Variants in GSTA5 observed in about 807,000 individuals in gnomAD.
GSTA5 encodes glutathione S-transferase A5.
A neutral mutation model predicts 21.8 loss-of-function variants in GSTA5; 25 were observed. That is an observed-to-expected ratio of 1.14 (90% CI 0.83 to 1.60). The LOEUF is 1.60. Ranked by LOEUF, GSTA5 falls within the 40% of genes most tolerant of loss-of-function variation. The pLI is 0.00. For synonymous variants in GSTA5, 102 were observed against 89.5 expected, an observed-to-expected ratio of 1.14 and a Z score of -0.78; for missense variants, 330 against 259.2, an observed-to-expected ratio of 1.27 and a Z score of -1.88.
intron 2 of GSTA5, among the ~76,000 whole-genome samples, chr6:52,837,281 A>G (rs1764306317): frequency 6.6e-6 from 1 of 152,138 alleles, no homozygotes; most frequent in Non-Finnish European, 1.5e-5. Context: ...ACCACAGCTC[A>G]CTGACGGTCC....
At chr6:52,834,637 C>T (rs1409369043) in intron 3 of GSTA5, among the ~76,000 whole-genome samples, 2 of 152,266 alleles carry the variant, frequency 1.3e-5, no homozygotes, top group Non-Finnish European at 1.5e-5. Flanking sequence ...GATTTATCAT[C>T]TCAATTGTGG....
upstream of GSTA5, among the ~76,000 whole-genome samples, chr6:52,841,701 A>G (rs1299039923): frequency 6.6e-6 from 1 of 152,218 alleles, no homozygotes; most frequent in East Asian, 1.9e-4. Context: ...CCATTCTTCT[A>G]AACTTCTCTC....
At chr6:52,835,026 T>A (rs371235006) in intron 3 of GSTA5, among the ~76,000 whole-genome samples, 76 of 152,376 alleles carry the variant, frequency 5.0e-4, no homozygotes, top group South Asian at 2.7e-3. Flanking sequence ...GTTCACGTAC[T>A]GTAATTGCAA....
At chr6:52,839,767 C>T (rs937292554) in intron 1 of GSTA5, among the ~76,000 whole-genome samples, 5 of 152,182 alleles carry the variant, frequency 3.3e-5, no homozygotes, top group African/African-American at 1.2e-4. Flanking sequence ...TAGAGGGCAG[C>T]ACTCAGCGGA....
intron 4 of GSTA5, among the ~76,000 whole-genome samples, 200 bp downstream of exon 4, chr6:52,833,941 G>A (rs1397546474): frequency 6.6e-6 from 1 of 152,144 alleles, no homozygotes; most frequent in East Asian, 1.9e-4. Context: ...AATTTTACTG[G>A]AAAATCATAG....
chr6:52,840,064 C>T (rs1338003817), intron 1 of GSTA5, among the ~76,000 whole-genome samples: 1 of 152,184 alleles, frequency 6.6e-6, no homozygotes, highest in Non-Finnish European at 1.5e-5. Flanking sequence ...CAATCCACTC[C>T]CTTACACCTC....
At chr6:52,842,030 T>G (rs868514779), upstream of GSTA5, among the ~76,000 whole-genome samples, 8 of 152,320 alleles carry the variant, frequency 5.3e-5, no homozygotes, top group South Asian at 8.3e-4. Flanking sequence ...ATTTGTATAT[T>G]GTGTGTATGG....
intron 3 of GSTA5, among the ~76,000 whole-genome samples, chr6:52,835,462 T>C (rs537551948): frequency 6.6e-6 from 1 of 152,228 alleles, no homozygotes; most frequent in Non-Finnish European, 1.5e-5. Flanking sequence ...ACTATGAATA[T>C]TGTTATTTGC....
upstream of GSTA5, among the ~76,000 whole-genome samples, chr6:52,843,955 T>C (rs775919491): frequency 2.0e-5 from 3 of 152,186 alleles, no homozygotes; most frequent in East Asian, 1.9e-4. Context: ...AGGCTAAGAC[T>C]GGGGCAGAGG....
intron 2 of GSTA5, among the ~76,000 whole-genome samples, chr6:52,836,837 T>C (rs1764301002): frequency 6.6e-6 from 1 of 152,234 alleles, no homozygotes; most frequent in African/African-American, 2.4e-5. Context: ...AAAAGTTTCC[T>C]GTAGTTCTTC....
intron 5 of GSTA5, 132 bp downstream of exon 5, chr6:52,832,727 A>G: frequency 6.9e-7 from 1 of 1,447,614 alleles, no homozygotes; most frequent in Non-Finnish European, 9.5e-7. Flanking sequence ...CTGGAAGCTC[A>G]TTTTGGAGAC....
At chr6:52,833,178 T>G (rs1266167953) in intron 4 of GSTA5, among the ~76,000 whole-genome samples, 188 bp from the exon 5 acceptor site, 2 of 152,194 alleles carry the variant, frequency 1.3e-5, no homozygotes, top group East Asian at 3.8e-4. Context: ...TGCTCACTGC[T>G]TGGTTGGAGG....
At chr6:52,831,897 G>T (rs1764220478) in exon 6 of GSTA5, 1 of 1,613,704 alleles carries the variant, frequency 6.2e-7, no homozygotes, top group African/African-American at 1.3e-5. Flanking sequence ...CTCATCCATG[G>T]GAGGCTTTCT....
chr6:52,837,548 T>C lies in GSTA5; in HGVS notation c.139+10A>G. ...AACTCTCATCAGAGTTACTTAGAGA[T>C]TGATCTTACCATTTCTTAACTTGTC... On this transcript the variant is annotated intron_variant, in intron 2 of 5. Coordinates refer to ENST00000370989, the Ensembl canonical transcript of GSTA5. The C allele has an allele frequency of 6.3e-7, 1 of 1,581,732 alleles. No homozygotes were observed. Among genetic ancestry groups the C allele is most frequent in the South Asian group, 1.1e-5 (1 of 90,246 alleles).
In GSTA5 at chr6:52,836,383, A is replaced by G; in HGVS notation, c.140-15T>C. The G allele has an allele frequency of 3.1e-6, 5 of 1,613,064 alleles. No homozygotes were observed. Among genetic ancestry groups the G allele is most frequent in the Non-Finnish European group, 4.2e-6 (5 of 1,179,466 alleles). ...CAAACTCCCATCTTAGAAAGAAGAA[A>G]AAAAAAGGAGTATGAAGTGTCTATG... On this transcript the variant is annotated splice_polypyrimidine_tract_variant and intron_variant, in intron 2 of 5. Transcript: ENST00000370989.
At chr6:52,834,045 T>C (rs1764255824) in intron 4 of GSTA5, 96 bp downstream of exon 4, 2 of 1,375,828 alleles carry the variant, frequency 1.5e-6, no homozygotes, top group African/African-American at 1.4e-5. Context: ...GAAGTCTCAC[T>C]GAAAGTGAAG....
rs1247741249 is a variant in GSTA5, at chr6:52,832,840, G to A, written c.546+19C>T. 1.4e-5 allele frequency: 23 copies of A among 1,613,434 alleles called. No individual in the cohort carries two copies. In the Admixed American group the frequency reaches 3.8e-4, roughly 27 times the overall value. On this transcript the variant is annotated intron_variant, in intron 5 of 5. Transcript: ENST00000370989. The stretch of plus-strand genomic sequence containing the variant: ...ATAAGAGATGTGGGGCTGTCTCTCT[G>A]GGCTGTGAAATGGGTCACCTTCAGC...
At chr6:52,845,106 A>T (rs1764435559), upstream of GSTA5, among the ~76,000 whole-genome samples, 1 of 152,124 alleles carries the variant, frequency 6.6e-6, no homozygotes, top group Non-Finnish European at 1.5e-5. Flanking sequence ...CAAATCTGTC[A>T]TATGGTGGCT....
chr6:52,836,612 A>G (rs1419963774), intron 2 of GSTA5, among the ~76,000 whole-genome samples: 1 of 152,202 alleles, frequency 6.6e-6, no homozygotes, highest in Non-Finnish European at 1.5e-5. Flanking sequence ...CCTGGGTTCA[A>G]GCAATTCTCC....
Sources: gnomAD v4.1 joint callset for allele counts (sites outside exome capture counted in the v4.1 genomes callset) on GRCh38, gnomAD v4.1.1 for gene constraint, MANE v1.5 for transcripts, NCBI Gene and HGNC (gene_info 2026-07-23, HGNC 2026-07-21) for gene names.